Variants in CREB1 observed in about 807,000 individuals in gnomAD.
CREB1 encodes the protein cAMP responsive element binding protein 1.
Under a neutral mutation model 42.0 loss-of-function variants are expected in CREB1, and 2 were observed. The ratio of observed to expected loss-of-function variants is 0.05; its 90% CI spans 0.02 to 0.15. CREB1 has a LOEUF of 0.15. Among genes scored for constraint, CREB1 ranks in the 10% least tolerant of loss-of-function variants. The pLI is 1.00. For missense variants in CREB1, 199 were observed against 388.9 expected (o/e 0.51, Z 4.11); for synonymous variants, 123 against 139.9 (o/e 0.88, Z 0.85).
At chr2:207,584,294 T>C (rs1479426407) in intron 7 of CREB1, among the ~76,000 whole-genome samples, 1 of 152,254 alleles carries the variant, frequency 6.6e-6, no homozygotes, top group East Asian at 1.9e-4. Context: ...GAGAGTTCAG[T>C]TGCTTTGTAT....
At chr2:207,582,905 ACAAAC>A (rs1292321606) in intron 7 of CREB1, 1 of 291,868 alleles carries the variant, frequency 3.4e-6, no homozygotes. Context: ...AAACAAACAA[ACAAAC>A]AAAAAAAAAT....
chr2:207,535,794 T>TTTTATTTA (rs4024317), intron 1 of CREB1, among the ~76,000 whole-genome samples: 2,515 of 145,596 alleles, frequency 0.017, 37 homozygotes, highest in African/African-American at 0.039. Flanking sequence ...TACAATACTT[T>TTTTATTTA]TTTATTTATT....
At chr2:207,561,326 C>G (rs998259727) in intron 3 of CREB1, among the ~76,000 whole-genome samples, 1 of 152,206 alleles carries the variant, frequency 6.6e-6, no homozygotes, top group African/African-American at 2.4e-5. Flanking sequence ...CTCCCCAGCC[C>G]TTAGTCTGTT....
chr2:207,575,144 C>A, intron 5 of CREB1, 128 bp from the exon 6 acceptor site: 1 of 908,704 alleles, frequency 1.1e-6, no homozygotes, highest in Non-Finnish European at 1.6e-6. Context: ...TATATTAGAC[C>A]CTTCTTGGTG....
intron 3 of CREB1, among the ~76,000 whole-genome samples, chr2:207,567,014 A>T (rs1271434687): frequency 6.6e-6 from 1 of 152,158 alleles, no homozygotes; most frequent in Non-Finnish European, 1.5e-5. Context: ...GTCATGATGG[A>T]TCGCCAGTCT....
chr2:207,556,914 A>G (rs2081748305), intron 2 of CREB1, among the ~76,000 whole-genome samples: 1 of 152,202 alleles, frequency 6.6e-6, no homozygotes, highest in Non-Finnish European at 1.5e-5. Flanking sequence ...AGGCGAGCGA[A>G]TCACTTGAGG....
At chr2:207,539,520 A>C (rs1234845288) in intron 1 of CREB1, among the ~76,000 whole-genome samples, 9 of 152,148 alleles carry the variant, frequency 5.9e-5, no homozygotes, top group Admixed American at 5.9e-4. Flanking sequence ...ATCGCAAGAA[A>C]ATTTATTCAG....
At chr2:207,581,929 G>C (rs2083012046) in intron 7 of CREB1, 1 of 702,772 alleles carries the variant, frequency 1.4e-6, no homozygotes, top group Non-Finnish European at 2.6e-6. Flanking sequence ...CCCTCAGTTT[G>C]CATTTGTCCA....
rs1055508856 is a variant in CREB1 at position 207,600,251 on chromosome 2, A to G, written c.*3193A>G. ...AATATATGTGTACATATATATATAT[A>G]TATATATATATACATACAGTATATA... On this transcript the variant is annotated 3_prime_UTR_variant, in exon 8 of 8. Transcript: ENST00000353267. The G allele has an allele frequency of 1.2e-5, 2 of 163,160 alleles. No individual in the cohort carries two copies. Among genetic ancestry groups the G allele is most frequent in the Non-Finnish European group, 2.6e-5 (2 of 76,068 alleles). The allele number at this position is 163,160 out of a possible 1,614,324, so 10.1% of individuals were successfully genotyped here.
chr2:207,571,022 C>CTTTTTTTTTTTTTTTTTTTTTTTT (rs71036933), intron 5 of CREB1, among the ~76,000 whole-genome samples: 2 of 68,452 alleles, frequency 2.9e-5, no homozygotes, highest in Non-Finnish European at 6.5e-5. Flanking sequence ...CTCTTTTTCC[C>CTTTTTTTTTTTTTTTTTTTTTTTT]TTTTTTTTTT....
chr2:207,560,726 T>G (rs1310055894), intron 3 of CREB1, among the ~76,000 whole-genome samples: 1 of 152,118 alleles, frequency 6.6e-6, no homozygotes, highest in Non-Finnish European at 1.5e-5. Flanking sequence ...AAATCTGCAA[T>G]TGGAGAAAAA....
chr2:207,587,179 G>A (rs986339252), intron 7 of CREB1, among the ~76,000 whole-genome samples: 4 of 152,232 alleles, frequency 2.6e-5, no homozygotes, highest in Admixed American at 6.5e-5. Context: ...GGATCACAAG[G>A]TCAGGAGATC....
intron 7 of CREB1, chr2:207,580,765 CT>C (rs2082867610): frequency 4.4e-6 from 1 of 224,888 alleles, no homozygotes; most frequent in African/African-American, 2.2e-5. Context: ...CTTAAAATTT[CT>C]TCCTCACTTC....
chr2:207,571,259 C>T (rs1190638965), intron 5 of CREB1, among the ~76,000 whole-genome samples: 1 of 151,902 alleles, frequency 6.6e-6, no homozygotes, highest in East Asian at 1.9e-4. Context: ...CCTGTATTCC[C>T]AGCACTTTGG....
chr2:207,582,798 C>T (rs1025727983), intron 7 of CREB1: 3 of 290,148 alleles, frequency 1.0e-5, no homozygotes, highest in African/African-American at 2.3e-5. Context: ...GCGGCTGAGG[C>T]AGAAGAATTG....
chr2:207,552,111 T>A (rs192339834), intron 1 of CREB1, among the ~76,000 whole-genome samples: 3 of 151,134 alleles, frequency 2.0e-5, no homozygotes, highest in African/African-American at 7.3e-5. Flanking sequence ...GGTAGGCTGC[T>A]TGAATGAAAT....
At chr2:207,586,320 A>G (rs1313376705) in intron 7 of CREB1, among the ~76,000 whole-genome samples, 1 of 152,234 alleles carries the variant, frequency 6.6e-6, no homozygotes, top group Non-Finnish European at 1.5e-5. Context: ...ACATTGGGGA[A>G]AGGACACTCT....
rs1335672013 is a variant in CREB1, at chr2:207,597,307, A to G, written c.*249A>G. 1.0e-5 allele frequency: 4 copies of G among 394,386 alleles called. No homozygotes were observed. Among genetic ancestry groups the G allele is most frequent in the Non-Finnish European group, 1.8e-5 (4 of 223,934 alleles). 24.4% of individuals were successfully genotyped at this position (394,386 alleles called of 1,614,324 possible). A position where few individuals can be genotyped will look rare whatever the true frequency, so the allele number is the denominator to read the frequency against. Reference sequence around the variant, plus strand: ...ATCATGAAGAGACTTCTGCTTTTCAACCCCCACCCTCCTCAAGAAGTAATA... The same window carrying G: ...ATCATGAAGAGACTTCTGCTTTTCAGCCCCCACCCTCCTCAAGAAGTAATA... On this transcript the variant is annotated 3_prime_UTR_variant, in exon 8 of 8. Transcript: ENST00000353267.
chr2:207,559,843 C>T (rs2081886667), intron 2 of CREB1, among the ~76,000 whole-genome samples: 1 of 152,134 alleles, frequency 6.6e-6, no homozygotes, highest in East Asian at 1.9e-4. Flanking sequence ...AAATGGAGAT[C>T]CTTATCACCC....
Sources: gnomAD v4.1 joint callset for allele counts (sites outside exome capture counted in the v4.1 genomes callset) on GRCh38, gnomAD v4.1.1 for gene constraint, MANE v1.5 for transcripts, NCBI Gene and HGNC (gene_info 2026-07-23, HGNC 2026-07-21) for gene names.